Variants in ZFHX3 observed in about 807,000 individuals in gnomAD.
The protein encoded by ZFHX3 is zinc finger homeobox protein 3.
A neutral mutation model predicts 279.1 loss-of-function variants in ZFHX3; 42 were observed. That is an observed-to-expected ratio of 0.15 (90% CI 0.12 to 0.19). The LOEUF is 0.19. ZFHX3 is among the 10% of genes least tolerant of loss of function. The probability of loss-of-function intolerance (pLI) is 1.00; values close to 1 mark genes in which losing one functional copy is unlikely to be tolerated. For synonymous variants in ZFHX3, 2,293 were observed against 1,957.8 expected, an observed-to-expected ratio of 1.17 and a Z score of -4.52; for missense variants, 4,981 against 4,754.0, an observed-to-expected ratio of 1.05 and a Z score of -1.40.
At chr16:73,872,158 T>G (rs76514620) in intron 1 of ZFHX3, among the ~76,000 whole-genome samples, 3,327 of 152,236 alleles carry the variant, frequency 0.022, 52 homozygotes, top group Non-Finnish European at 0.033. Context: ...CCAAAAGCCA[T>G]GACCAACACT....
chr16:73,371,942 T>C (rs929922364), intron 3 of ZFHX3, among the ~76,000 whole-genome samples: 1 of 152,232 alleles, frequency 6.6e-6, no homozygotes, highest in South Asian at 2.1e-4. Flanking sequence ...ACCTCTTCAC[T>C]CTTTTTCAAG....
intron 3 of ZFHX3, among the ~76,000 whole-genome samples, chr16:73,339,029 C>T (rs761836694): frequency 1.3e-5 from 2 of 152,172 alleles, no homozygotes; most frequent in Non-Finnish European, 2.9e-5. Context: ...GAAGCAGATC[C>T]CAGTGCTATG....
chr16:73,070,407 T>G (rs1373032508), intron 8 of ZFHX3, among the ~76,000 whole-genome samples: 1 of 152,072 alleles, frequency 6.6e-6, no homozygotes, highest in African/African-American at 2.4e-5. Flanking sequence ...TTCACATTTG[T>G]CCCCACCTCT....
At chr16:73,201,466 T>A (rs1482998840) in intron 5 of ZFHX3, among the ~76,000 whole-genome samples, 1 of 152,256 alleles carries the variant, frequency 6.6e-6, no homozygotes, top group African/African-American at 2.4e-5. Context: ...ACAGTTAGTT[T>A]CAACCCAAAG....
chr16:72,969,121 G>A (rs367650135), intron 1 of ZFHX3, among the ~76,000 whole-genome samples: 6 of 152,060 alleles, frequency 3.9e-5, no homozygotes, highest in Admixed American at 6.6e-5. Context: ...GTAAAAATTC[G>A]ACATAGTAAC....
At chr16:73,198,746 T>C (rs932033145) in intron 5 of ZFHX3, among the ~76,000 whole-genome samples, 5 of 152,308 alleles carry the variant, frequency 3.3e-5, no homozygotes, top group Middle Eastern at 3.4e-3. Context: ...TCTGTCATCA[T>C]TGGGAAGGGC....
intron 2 of ZFHX3, among the ~76,000 whole-genome samples, chr16:73,550,341 C>A (rs756662014): frequency 9.9e-5 from 15 of 152,082 alleles, no homozygotes; most frequent in African/African-American, 1.4e-4. Flanking sequence ...ACCATTAGAC[C>A]CTTTGATGGA....
chr16:73,781,954 T>G (rs893662905), intron 1 of ZFHX3, among the ~76,000 whole-genome samples: 3 of 152,034 alleles, frequency 2.0e-5, no homozygotes, highest in Non-Finnish European at 4.4e-5. Context: ...GCCACTGCAC[T>G]CCAGCCAGGG....
At chr16:73,616,510 C>A (rs749079248) in intron 2 of ZFHX3, among the ~76,000 whole-genome samples, 1 of 151,000 alleles carries the variant, frequency 6.6e-6, no homozygotes, top group Non-Finnish European at 1.5e-5. Context: ...TACATGGAAG[C>A]CAATTTAAAA....
chr16:73,439,149 T>C (rs902057554), intron 3 of ZFHX3, among the ~76,000 whole-genome samples: 1 of 152,220 alleles, frequency 6.6e-6, no homozygotes, highest in African/African-American at 2.4e-5. Flanking sequence ...GGGTCTAGTG[T>C]CAGCAATAGA....
At chr16:73,037,820 GATAAA>G (rs757039678) in intron 1 of ZFHX3, among the ~76,000 whole-genome samples, 43 of 150,270 alleles carry the variant, frequency 2.9e-4, no homozygotes, top group Non-Finnish European at 5.5e-4. Context: ...ACCCAAAAAA[GATAAA>G]ATAAACAAAC....
chr16:72,787,739 T>C lies in ZFHX3; in HGVS notation c.10537A>G (p.Ser3513Gly), dbSNP rs200561133. ...CCGCCACCGCCGCCGCCGCCGCCAC[T>C]GCCACCGCCGCCGCCGCCGGTGGGG... ...HVPTGGGGGGSGGGGGGGGGG... is the reference protein window; with the variant it reads ...HVPTGGGGGGGGGGGGGGGGG... Residue 3513 changes from serine (S) to glycine (G), a missense_variant, in exon 10 of 10, where the codon AGT becomes GGT. Physicochemically the swap from Ser to Gly is moderately conservative, Grantham distance 56. Coordinates refer to ENST00000268489, the MANE Select transcript of ZFHX3 (RefSeq NM_006885.4). 5.2e-3 allele frequency: 7,206 copies of C among 1,394,648 alleles called. 74 individuals carry two copies. The highest frequency in any genetic ancestry group is 0.033 in the East Asian group (1,149 of 35,066). 86.4% of individuals were successfully genotyped at this position (1,394,648 alleles called of 1,614,324 possible). A position where few individuals can be genotyped will look rare whatever the true frequency, so the allele number is the denominator to read the frequency against.
chr16:73,399,837 G>T (rs1174368178), intron 3 of ZFHX3, among the ~76,000 whole-genome samples: 1 of 148,186 alleles, frequency 6.7e-6, no homozygotes, highest in East Asian at 2.0e-4. Flanking sequence ...TGTGGTGTGT[G>T]GTGTGTGTGT....
chr16:73,808,696 C>G (rs1297639789), intron 1 of ZFHX3, among the ~76,000 whole-genome samples: 1 of 152,104 alleles, frequency 6.6e-6, no homozygotes, highest in African/African-American at 2.4e-5. Flanking sequence ...GATGTACAAC[C>G]ATTTAAGCAT....
chr16:73,548,607 A>G (rs2020159134), intron 2 of ZFHX3, among the ~76,000 whole-genome samples: 8 of 150,852 alleles, frequency 5.3e-5, no homozygotes, highest in Admixed American at 5.3e-4. Context: ...CCACATAAAT[A>G]TGTACATTTT....
In ZFHX3 at chr16:72,880,161, C is replaced by T. The variant is rs956176335; in HGVS notation, c.3448+9570G>A. Among the ~76,000 whole-genome samples the T allele has an allele frequency of 2.0e-5, 3 of 152,208 alleles. No homozygotes were observed. In the East Asian group the frequency reaches 5.8e-4, roughly 29 times the overall value. On this transcript the variant is annotated intron_variant, in intron 4 of 9. Coordinates refer to ENST00000268489, the MANE Select transcript of ZFHX3 (RefSeq NM_006885.4). ...TGTCCGAGGCGACTTCCAGGATCTC[C>T]ATGACCTCCCTTCATCTCTCCCACC...
chr16:73,378,030 C>CAAAAAAAAAAAAAAAAAAAAAAAAA (rs71156159), intron 3 of ZFHX3, among the ~76,000 whole-genome samples: 1 of 53,816 alleles, frequency 1.9e-5, no homozygotes, highest in Non-Finnish European at 3.2e-5. Context: ...GACTCTGTCT[C>CAAAAAAAAAAAAAAAAAAAAAAAAA]AAAAAAAAAA....
intron 2 of ZFHX3, among the ~76,000 whole-genome samples, chr16:73,501,876 A>G (rs1037057165): frequency 6.6e-6 from 1 of 152,196 alleles, no homozygotes; most frequent in African/African-American, 2.4e-5. Context: ...TAAGGGGGTG[A>G]GGAGCCGACA....
intron 3 of ZFHX3, chr16:73,401,327 C>G (rs2017246524): frequency 6.8e-6 from 1 of 147,908 alleles, no homozygotes; most frequent in African/African-American, 2.5e-5. Flanking sequence ...ACGATCCAGC[C>G]GATAAAACCC....
Sources: allele counts gnomAD v4.1 joint callset (sites outside exome capture counted in the v4.1 genomes callset), GRCh38; gene constraint gnomAD v4.1.1; transcripts MANE v1.5; gene names NCBI Gene and HGNC (gene_info 2026-07-23, HGNC 2026-07-21).